Variants in WWOX observed in about 807,000 individuals in gnomAD.
The protein encoded by WWOX is WW domain containing oxidoreductase.
A neutral mutation model predicts 46.2 loss-of-function variants in WWOX; 69 were observed. The ratio of observed to expected loss-of-function variants is 1.49; its 90% CI spans 1.23 to 1.82. The LOEUF (loss-of-function observed/expected upper bound fraction) is 1.82, where lower values mean the gene tolerates loss of function less well. WWOX is among the 40% of genes most tolerant of loss of function. The pLI, the probability that WWOX is intolerant of heterozygous loss-of-function variation, is 0.00. For synonymous variants in WWOX, 359 were observed against 202.6 expected (o/e 1.77, Z -6.56); for missense variants, 919 against 542.6 (o/e 1.69, Z -6.89).
intron 8 of WWOX, among the ~76,000 whole-genome samples, chr16:78,558,220 C>T (rs903329525): frequency 1.3e-5 from 2 of 152,206 alleles, no homozygotes; most frequent in Admixed American, 6.5e-5. Flanking sequence ...CCCTTCCGAT[C>T]CCTGGGTAAG....
chr16:79,207,223 A>G (rs1222897818), intron 8 of WWOX, among the ~76,000 whole-genome samples: 1 of 152,224 alleles, frequency 6.6e-6, no homozygotes, highest in Non-Finnish European at 1.5e-5. Flanking sequence ...TGGTGTATTC[A>G]CAGAGTCAAT....
At chr16:78,840,692 C>T (rs960208307) in intron 8 of WWOX, among the ~76,000 whole-genome samples, 3 of 151,608 alleles carry the variant, frequency 2.0e-5, no homozygotes, top group Admixed American at 6.6e-5. Flanking sequence ...GGGGCCCGAG[C>T]TTCTTTGTTT....
intron 5 of WWOX, among the ~76,000 whole-genome samples, chr16:78,341,168 A>ATT (rs60247224): frequency 0.19 from 19,796 of 105,662 alleles, 6,068 homozygotes; most frequent in Non-Finnish European, 0.25. Context: ...TCCAACTGTA[A>ATT]TTTTTTTTTT....
chr16:79,082,162 G>T (rs947361599), intron 8 of WWOX, among the ~76,000 whole-genome samples: 22 of 152,184 alleles, frequency 1.4e-4, no homozygotes, highest in African/African-American at 4.3e-4. Flanking sequence ...GGGAGAGGTT[G>T]TAACAAATCT....
intron 5 of WWOX, among the ~76,000 whole-genome samples, chr16:78,180,558 C>G (rs771832776): frequency 6.6e-6 from 1 of 151,318 alleles, no homozygotes; most frequent in Non-Finnish European, 1.5e-5. Flanking sequence ...GTGGGTAAAC[C>G]CAGCTGCACC....
Position 78,501,882 on chromosome 16 carries a change from G to T in WWOX, c.1056+69130G>T, listed in dbSNP as rs187187917. Among the ~76,000 whole-genome samples, 197 of 152,220 alleles carry T rather than the reference G, an allele frequency of 1.3e-3. 1 individual carries two copies. The highest frequency in any genetic ancestry group is 4.6e-3 in the African/African-American group (193 of 41,554). ...GCTCCATGGTGGGGAAGGATGTTGC[G>T]GTGGGGTTGGGGTGGCAATGAAAGG... On this transcript the variant is annotated intron_variant, in intron 8 of 8. Transcript: ENST00000566780.
intron 8 of WWOX, among the ~76,000 whole-genome samples, chr16:78,555,071 A>G (rs2044260447): frequency 6.6e-6 from 1 of 150,894 alleles, no homozygotes; most frequent in Non-Finnish European, 1.5e-5. Context: ...GGTGGGGGCC[A>G]GGGTGGGTTT....
chr16:78,196,992 C>G (rs1036571991), intron 5 of WWOX, among the ~76,000 whole-genome samples: 14 of 152,122 alleles, frequency 9.2e-5, no homozygotes, highest in Non-Finnish European at 1.9e-4. Flanking sequence ...AATTACTTGT[C>G]TAATATATAA....
chr16:78,922,125 G>C (rs576762061), intron 8 of WWOX, among the ~76,000 whole-genome samples: 15 of 152,228 alleles, frequency 9.9e-5, no homozygotes, highest in African/African-American at 2.2e-4. Context: ...TTGGGTCTTC[G>C]TTGCGTAGGT....
chr16:78,273,593 G>T (rs923464468), intron 5 of WWOX, among the ~76,000 whole-genome samples: 1 of 152,172 alleles, frequency 6.6e-6, no homozygotes, highest in African/African-American at 2.4e-5. Context: ...AGGAGGGTGG[G>T]GAGACCTGCT....
chr16:78,797,712 G>A (rs939102025), intron 8 of WWOX, among the ~76,000 whole-genome samples: 7 of 152,208 alleles, frequency 4.6e-5, no homozygotes, highest in Non-Finnish European at 5.9e-5. Context: ...TGGAGGCCAG[G>A]TGCGTTAGGT....
At chr16:78,504,600 A>G (rs2085147267) in intron 8 of WWOX, among the ~76,000 whole-genome samples, 2 of 152,196 alleles carry the variant, frequency 1.3e-5, no homozygotes, top group Admixed American at 1.3e-4. Context: ...TGTCTTCGTA[A>G]TACTATCTTT....
chr16:78,681,126 G>T (rs544152318), intron 8 of WWOX, among the ~76,000 whole-genome samples: 1 of 152,224 alleles, frequency 6.6e-6, no homozygotes, highest in Admixed American at 6.5e-5. Context: ...GCGCATGCCT[G>T]TAGTCCCAGC....
chr16:78,773,360 C>G (rs561785827), intron 8 of WWOX, among the ~76,000 whole-genome samples: 32 of 152,278 alleles, frequency 2.1e-4, no homozygotes, highest in African/African-American at 7.5e-4. Flanking sequence ...TCAGCTGTTT[C>G]CTAGCTTGGA....
At chr16:78,339,339 T>C (rs2080962421) in intron 5 of WWOX, among the ~76,000 whole-genome samples, 1 of 110,222 alleles carries the variant, frequency 9.1e-6, no homozygotes, top group African/African-American at 3.2e-5. Context: ...TTTCATGTGA[T>C]TGTCTAAATC....
chr16:78,546,932 G>T (rs549445126), intron 8 of WWOX, among the ~76,000 whole-genome samples: 5 of 151,922 alleles, frequency 3.3e-5, no homozygotes, highest in African/African-American at 4.8e-5. Context: ...TTTCAGATCA[G>T]TCTGGGCAAC....
At chr16:79,130,082 G>A (rs113496223) in intron 8 of WWOX, among the ~76,000 whole-genome samples, 4,212 of 152,292 alleles carry the variant, frequency 0.028, 175 homozygotes, top group African/African-American at 0.094. Flanking sequence ...GTGTAAGGTT[G>A]CCATTTTTAT....
intron 8 of WWOX, among the ~76,000 whole-genome samples, chr16:78,977,096 C>A (rs575740851): frequency 6.6e-6 from 1 of 152,202 alleles, no homozygotes; most frequent in African/African-American, 2.4e-5. Flanking sequence ...TGCCTCCAGG[C>A]AATTTCCTAC....
chr16:79,139,061 C>G (rs2050037593), intron 8 of WWOX, among the ~76,000 whole-genome samples: 1 of 152,182 alleles, frequency 6.6e-6, no homozygotes, highest in East Asian at 1.9e-4. Context: ...GGTCCCCCCT[C>G]AGCGTTCACA....
Sources: allele counts gnomAD v4.1 joint callset (sites outside exome capture counted in the v4.1 genomes callset), GRCh38; gene constraint gnomAD v4.1.1; transcripts MANE v1.5; gene names NCBI Gene and HGNC (gene_info 2026-07-23, HGNC 2026-07-21).